The following ATP10D variants were observed in gnomAD, a reference collection of about 807,000 sequenced individuals.
The protein encoded by ATP10D is phospholipid-transporting ATPase VD.
ATP10D carries 89 observed loss-of-function variants against 144.8 expected under a neutral mutation model. That is an observed-to-expected ratio of 0.61 (90% CI 0.52 to 0.73). The LOEUF is 0.73. ATP10D is among the 30% of genes least tolerant of loss of function. The pLI, the probability that ATP10D is intolerant of heterozygous loss-of-function variation, is 0.00. For missense variants in ATP10D, 1,603 were observed against 1,714.8 expected, an observed-to-expected ratio of 0.93 and a Z score of 1.15; for synonymous variants, 571 against 615.1, an observed-to-expected ratio of 0.93 and a Z score of 1.06.
intron 10 of ATP10D, 178 bp downstream of exon 10, chr4:47,547,040 AGT>A (rs1718478939): frequency 1.6e-6 from 1 of 614,166 alleles, no homozygotes; most frequent in Non-Finnish European, 2.8e-6. Context: ...ATATCACACT[AGT>A]CTACTTTTAA....
intron 1 of ATP10D, among the ~76,000 whole-genome samples, chr4:47,485,785 A>G (rs1289111163): frequency 6.6e-6 from 1 of 151,250 alleles, no homozygotes; most frequent in Non-Finnish European, 1.5e-5. Context: ...ATTTTGTAAA[A>G]AGGTAAACTG....
In ATP10D at chr4:47,558,947, A is replaced by C; in HGVS notation, c.2459A>C (p.Gln820Pro). The C allele has an allele frequency of 1.2e-6, 2 of 1,614,028 alleles. No individual in the cohort carries two copies. The highest frequency in any genetic ancestry group is 4.5e-5 in the East Asian group (2 of 44,882). Residue 820 changes from glutamine to proline, a missense_variant, in exon 13 of 23, where the codon CAG (glutamine) becomes CCG (proline). Transcript: ENST00000273859. ...GATGGAGCAAGTCTGGAGAAACAAC[A>C]GATGATAGTAAGGGAGAAAACCCAG... is the stretch of plus-strand genomic sequence containing the variant. Reference protein sequence around the residue: ...SPDGASLEKQQMIVREKTQKH... With the variant: ...SPDGASLEKQPMIVREKTQKH...
chr4:47,563,670 A>C lies in ATP10D; in HGVS notation c.2758A>C (p.Thr920Pro). 1 of 1,614,000 alleles carries C rather than the reference A, an allele frequency of 6.2e-7. No individual in the cohort carries two copies. The highest frequency in any genetic ancestry group is 1.1e-5 in the South Asian group (1 of 91,074). ...AGCGGGCATCAAGATCTGGATGCTG[A>C]CAGGGGACAAGCAGGAGACAGCTGT... The part of the protein sequence containing the change: ...HKAGIKIWML[T>P]GDKQETAVNI... Residue 920 changes from threonine (T) to proline (P), a missense_variant, in exon 15 of 23, where the codon ACA (threonine) becomes CCA (proline). Coordinates refer to ENST00000273859, the MANE Select transcript of ATP10D (RefSeq NM_020453.4).
At chr4:47,575,970 C>T (rs1002956502) in intron 18 of ATP10D, among the ~76,000 whole-genome samples, 5 of 127,582 alleles carry the variant, frequency 3.9e-5, no homozygotes, top group African/African-American at 9.2e-5. Flanking sequence ...CTCGCTCTGT[C>T]GCCCAGGCTG....
At chr4:47,551,214 G>A (rs549808872) in intron 10 of ATP10D, among the ~76,000 whole-genome samples, 5 of 152,266 alleles carry the variant, frequency 3.3e-5, no homozygotes, top group South Asian at 4.1e-4. Flanking sequence ...ATTCTTAGTC[G>A]GCCTAGGAAA....
chr4:47,501,079 G>GT (rs1426895186), intron 1 of ATP10D, among the ~76,000 whole-genome samples: 1 of 16,240 alleles, frequency 6.2e-5, no homozygotes, highest in African/African-American at 1.9e-4. Flanking sequence ...CAGGGTGAGG[G>GT]TTTTGCCAAG....
In ATP10D at chr4:47,536,834, A is replaced by G; in HGVS notation, c.1292A>G (p.Gln431Arg). The change falls in exon 9 of 23, where the codon CAG becomes CGG. Residue 431 changes from glutamine (Q) to arginine (R), a missense_variant. Transcript: ENST00000273859. Reference sequence around the variant, plus strand: ...CTGAACATCGCCGAGGATCTGGGACAGATTCAGTACCTCTTTTCCGATAAG... The same window carrying G: ...CTGAACATCGCCGAGGATCTGGGACGGATTCAGTACCTCTTTTCCGATAAG... Reference protein sequence around the residue: ...RALNIAEDLGQIQYLFSDKTG... With the variant: ...RALNIAEDLGRIQYLFSDKTG... 6.2e-7 allele frequency: 1 copy of G among 1,613,406 alleles called. No homozygotes were observed. Among genetic ancestry groups the G allele is most frequent in the South Asian group, 1.1e-5 (1 of 91,040 alleles).
intron 10 of ATP10D, chr4:47,547,090 G>T: frequency 2.2e-6 from 1 of 454,062 alleles, no homozygotes; most frequent in South Asian, 3.0e-5. Context: ...TACCATTTCT[G>T]AAAAAAAAAA....
intron 10 of ATP10D, among the ~76,000 whole-genome samples, chr4:47,554,164 C>T (rs1178894726): frequency 3.3e-5 from 5 of 152,172 alleles, no homozygotes; most frequent in Non-Finnish European, 7.3e-5. Flanking sequence ...ATGTGGTGAT[C>T]AGAAATCTGG....
At chr4:47,535,744 T>A in intron 6 of ATP10D, 129 bp downstream of exon 6, 1 of 1,314,982 alleles carries the variant, frequency 7.6e-7, no homozygotes, top group Non-Finnish European at 1.0e-6. Context: ...ATTATTGGTC[T>A]CTGTTTTTCT....
At chr4:47,528,699 A>T (rs539389670) in intron 5 of ATP10D, among the ~76,000 whole-genome samples, 1 of 152,186 alleles carries the variant, frequency 6.6e-6, no homozygotes, top group Admixed American at 6.5e-5. Context: ...GACAAATGGT[A>T]GTTCTATTTT....
intron 18 of ATP10D, among the ~76,000 whole-genome samples, chr4:47,576,133 G>A (rs542784811): frequency 1.5e-4 from 23 of 151,294 alleles, no homozygotes; most frequent in African/African-American, 3.6e-4. Context: ...GGGTTTCACC[G>A]TTTTAGCCGG....
At chr4:47,568,501 A>G (rs1215350139) in intron 15 of ATP10D, among the ~76,000 whole-genome samples, 1 of 152,234 alleles carries the variant, frequency 6.6e-6, no homozygotes, top group Non-Finnish European at 1.5e-5. Flanking sequence ...GAGAGGTTAC[A>G]TAGTTTGCCC....
intron 16 of ATP10D, among the ~76,000 whole-genome samples, chr4:47,570,554 A>G (rs1719898065): frequency 6.6e-6 from 1 of 152,202 alleles, no homozygotes; most frequent in Non-Finnish European, 1.5e-5. Flanking sequence ...CTGTAATCCC[A>G]GCACTTTGGG....
chr4:47,504,658 G>A (rs753893036), intron 1 of ATP10D, among the ~76,000 whole-genome samples: 1 of 152,100 alleles, frequency 6.6e-6, no homozygotes, highest in Non-Finnish European at 1.5e-5. Flanking sequence ...CGCCTCCCGG[G>A]TTCACGCCAT....
intron 22 of ATP10D, among the ~76,000 whole-genome samples, chr4:47,590,226 A>T (rs1398912229): frequency 6.6e-6 from 1 of 152,120 alleles, no homozygotes; most frequent in Non-Finnish European, 1.5e-5. Context: ...CAAAGTGTCA[A>T]AGTTGTGTCC....
chr4:47,568,873 G>A lies in ATP10D; in HGVS notation c.2890G>A (p.Glu964Lys). Residue 964 changes from glutamate (E) to lysine (K), a missense_variant, in exon 16 of 23, where the codon GAA becomes AAA. Transcript: ENST00000273859. ...GATGCTGATGAGCACAATTTTGAAAGAACTTCAGAAGAAAACTCAAGCCCT... is the reference window on the plus strand; with the variant it reads ...GATGCTGATGAGCACAATTTTGAAAAAACTTCAGAAGAAAACTCAAGCCCT... ...CGMLMSTILK[E>K]LQKKTQALPE... 1 of 1,614,096 alleles carries A rather than the reference G, an allele frequency of 6.2e-7. No individual in the cohort carries two copies. The highest frequency in any genetic ancestry group is 8.5e-7 in the Non-Finnish European group (1 of 1,180,004).
intron 15 of ATP10D, among the ~76,000 whole-genome samples, chr4:47,564,949 A>AT (rs1249215434): frequency 6.6e-6 from 1 of 152,030 alleles, no homozygotes; most frequent in Non-Finnish European, 1.5e-5. Context: ...TGATTGGTTA[A>AT]CATGTTTTCG....
At chr4:47,587,889 T>TTC (rs1720863675) in intron 22 of ATP10D, among the ~76,000 whole-genome samples, 1 of 152,168 alleles carries the variant, frequency 6.6e-6, no homozygotes, top group Non-Finnish European at 1.5e-5. Flanking sequence ...AGAAGGTGAC[T>TTC]ACTCAGCTGA....
Sources: gnomAD v4.1 joint callset for allele counts (sites outside exome capture counted in the v4.1 genomes callset) on GRCh38, gnomAD v4.1.1 for gene constraint, MANE v1.5 for transcripts, NCBI Gene and HGNC (gene_info 2026-07-23, HGNC 2026-07-21) for gene names.